ARHGEF10: variants seen among roughly 807,000 people sequenced by gnomAD.
The protein encoded by ARHGEF10 is Rho guanine nucleotide exchange factor (GEF) 10.
Under a neutral mutation model 147.4 loss-of-function variants are expected in ARHGEF10, and 140 were observed. That is an observed-to-expected ratio of 0.95 (90% confidence interval 0.83 to 1.09). ARHGEF10 has a LOEUF of 1.09. Ranked by LOEUF, ARHGEF10 falls within the 50% of genes least tolerant of loss-of-function variation. ARHGEF10 has a pLI of 0.00. For missense variants in ARHGEF10, 2,222 were observed against 1,752.7 expected (o/e 1.27, Z -4.78); for synonymous variants, 902 against 695.8 (o/e 1.30, Z -4.67).
At chr8:1,909,115 C>T (rs1432114146) in intron 17 of ARHGEF10, among the ~76,000 whole-genome samples, 180 bp from the exon 18 acceptor site, 1 of 152,218 alleles carries the variant, frequency 6.6e-6, no homozygotes, top group Admixed American at 6.5e-5. Context: ...TTCGAGGCCT[C>T]TTTATGGCAG....
At chr8:1,876,771 C>T (rs375266478) in intron 8 of ARHGEF10, 37 bp downstream of exon 8, 19 of 1,608,382 alleles carry the variant, frequency 1.2e-5, no homozygotes, top group Middle Eastern at 3.3e-4. Context: ...ATGGTTCTCT[C>T]GCGTTAACAC....
At chr8:1,844,407 G>A (rs796125028) in intron 2 of ARHGEF10, among the ~76,000 whole-genome samples, 17 of 151,990 alleles carry the variant, frequency 1.1e-4, no homozygotes, top group East Asian at 1.9e-4. Context: ...TGACAGAGAC[G>A]GGAGAATCCA....
At chr8:1,857,653 T>TG (rs916025942) in intron 2 of ARHGEF10, among the ~76,000 whole-genome samples, 5 of 152,038 alleles carry the variant, frequency 3.3e-5, no homozygotes, top group African/African-American at 9.7e-5. Context: ...CTTCTTACCT[T>TG]GTGATCTGCC....
intron 8 of ARHGEF10, among the ~76,000 whole-genome samples, chr8:1,877,529 G>C (rs947878471): frequency 1.3e-5 from 2 of 152,188 alleles, no homozygotes; most frequent in Non-Finnish European, 2.9e-5. Context: ...CACCCAGCCG[G>C]ATGATCCTTT....
Position 1,922,981 on chromosome 8 carries a change from C to T in ARHGEF10, c.2161C>T (p.Pro721Ser). 4 of 1,612,650 alleles carry T rather than the reference C, an allele frequency of 2.5e-6. No individual in the cohort carries two copies. Among genetic ancestry groups the T allele is most frequent in the South Asian group, 2.2e-5 (2 of 91,004 alleles). ...NAKPNKVYMG[P>S]GQLYQDLQNL... ...TTTTGTAGACAAAGTTTACATGGGG[C>T]CAGGACAACTGTATCAAGATTTACA... The change falls in exon 19 of 29, where the codon CCA becomes TCA. Residue 721 changes from proline to serine, a missense_variant. Coordinates refer to ENST00000349830, the MANE Select transcript of ARHGEF10 (RefSeq NM_014629.4).
chr8:1,915,716 C>G (rs1811710734), intron 18 of ARHGEF10, among the ~76,000 whole-genome samples: 1 of 152,254 alleles, frequency 6.6e-6, no homozygotes, highest in Non-Finnish European at 1.5e-5. Flanking sequence ...TATTCAGTAA[C>G]ACACCCTTCA....
chr8:1,922,697 C>G (rs1812389295), intron 18 of ARHGEF10, among the ~76,000 whole-genome samples: 1 of 152,198 alleles, frequency 6.6e-6, no homozygotes, highest in Non-Finnish European at 1.5e-5. Flanking sequence ...TCATGATACG[C>G]TTGCGTCAGA....
At chr8:1,908,452 T>A (rs528755259) in intron 17 of ARHGEF10, among the ~76,000 whole-genome samples, 1 of 152,272 alleles carries the variant, frequency 6.6e-6, no homozygotes, top group African/African-American at 2.4e-5. Flanking sequence ...CAGGATGGTC[T>A]CAATCTCCTG....
In ARHGEF10 at chr8:1,937,682, G is replaced by A. The variant is rs1194802900; in HGVS notation, c.3222+3740G>A. On this transcript the variant is annotated intron_variant, in intron 26 of 28. Transcript: ENST00000349830. The surrounding 1 kb of genome is among the most constrained non-coding windows in gnomAD (Gnocchi z 4.9). ...GGCCAGGGGCTGGGGCAGCCCACAGGACCTGAGCCCACAAGATTCGAGCCC... is the reference window on the plus strand; with the variant it reads ...GGCCAGGGGCTGGGGCAGCCCACAGAACCTGAGCCCACAAGATTCGAGCCC... Among the ~76,000 whole-genome samples the A allele has an allele frequency of 2.6e-5, 4 of 152,234 alleles. No individual in the cohort carries two copies. In the East Asian group the frequency reaches 7.7e-4, roughly 29 times the overall value.
At chr8:1,903,780 G>T (rs986218131) in intron 16 of ARHGEF10, 2 of 388,638 alleles carry the variant, frequency 5.1e-6, no homozygotes, top group African/African-American at 4.1e-5. Context: ...TTTAATTTCA[G>T]ATAGTAATAG....
At chr8:1,886,104 A>G (rs1808636619) in intron 11 of ARHGEF10, among the ~76,000 whole-genome samples, 1 of 152,222 alleles carries the variant, frequency 6.6e-6, no homozygotes, top group South Asian at 2.1e-4. Context: ...TGAGATGAAA[A>G]TGACAGATTT....
At chr8:1,920,054 G>A (rs1324677992) in intron 18 of ARHGEF10, among the ~76,000 whole-genome samples, 1 of 147,376 alleles carries the variant, frequency 6.8e-6, no homozygotes, top group African/African-American at 2.5e-5. Context: ...GCTGTTCCGT[G>A]GGTGATGGAG....
chr8:1,944,233 G>A (rs4385504), intron 26 of ARHGEF10, among the ~76,000 whole-genome samples: 127,663 of 148,708 alleles, frequency 0.86, 54,685 homozygotes, highest in African/African-American at 0.9. Flanking sequence ...CTCCCTGGGG[G>A]CCCCAGCCTC....
intron 18 of ARHGEF10, among the ~76,000 whole-genome samples, chr8:1,912,892 G>A (rs774698684): frequency 9.9e-5 from 15 of 152,194 alleles, no homozygotes; most frequent in African/African-American, 1.7e-4. Flanking sequence ...AAGATCGAGC[G>A]TGAGCCGTCA....
intron 18 of ARHGEF10, 73 bp downstream of exon 18, chr8:1,909,543 C>T (rs1811201153): frequency 1.3e-6 from 2 of 1,579,094 alleles, no homozygotes; most frequent in Non-Finnish European, 1.7e-6. Context: ...GCTGTGGGGC[C>T]AGCGTAAGCT....
intron 2 of ARHGEF10, among the ~76,000 whole-genome samples, chr8:1,849,348 G>A (rs376091834): frequency 5.1e-3 from 773 of 151,408 alleles, no homozygotes; most frequent in Non-Finnish European, 7.2e-3. Flanking sequence ...AGCAAATGCC[G>A]AGGAGGGCAT....
intron 1 of ARHGEF10, among the ~76,000 whole-genome samples, chr8:1,835,557 C>A (rs527907200): frequency 2.6e-5 from 4 of 152,182 alleles, no homozygotes; most frequent in African/African-American, 7.2e-5. Flanking sequence ...ACGCTCATGC[C>A]GTCCCGAAGC....
rs780303203 is a variant in ARHGEF10, at chr8:1,898,545, C to G, written c.1650+20C>G. 1.9e-6 allele frequency: 3 copies of G among 1,605,734 alleles called. No individual in the cohort carries two copies. The African/African-American group carries it at 4.0e-5, about 21-fold the overall frequency. ...CTCCAGGTAAGTGCTTCACGGAGAC[C>G]TCCTCAAGCTAGTCCTCTGGCTCGC... is the stretch of plus-strand genomic sequence containing the variant. On this transcript the variant is annotated intron_variant, in intron 15 of 28. Coordinates refer to ENST00000349830, the MANE Select transcript of ARHGEF10 (RefSeq NM_014629.4).
At chr8:1,918,956 T>G (rs1811975564) in intron 18 of ARHGEF10, among the ~76,000 whole-genome samples, 1 of 151,974 alleles carries the variant, frequency 6.6e-6, no homozygotes, top group Admixed American at 6.6e-5. Flanking sequence ...ATGGAGCTGT[T>G]CTGTGGGTGA....
Sources: gnomAD v4.1 joint callset for allele counts (sites outside exome capture counted in the v4.1 genomes callset) on GRCh38, gnomAD v4.1.1 for gene constraint, Gnocchi (gnomAD v3.1) non-coding constraint, MANE v1.5 for transcripts, NCBI Gene and HGNC (gene_info 2026-07-23, HGNC 2026-07-21) for gene names.